The following CSMD1 variants were observed in gnomAD, a reference collection of about 807,000 sequenced individuals.
CSMD1 encodes the protein CUB and sushi domain-containing protein 1.
CSMD1 carries 213 observed loss-of-function variants against 417.5 expected under a neutral mutation model. The ratio of observed to expected loss-of-function variants is 0.51; its 90% CI spans 0.46 to 0.57. CSMD1 has a LOEUF of 0.57. Among genes scored for constraint, CSMD1 ranks in the 20% least tolerant of loss-of-function variants. The probability of loss-of-function intolerance (pLI) is 0.00; values close to 1 mark genes in which losing one functional copy is unlikely to be tolerated. For synonymous variants in CSMD1, 2,862 were observed against 1,736.8 expected, an observed-to-expected ratio of 1.65 and a Z score of -16.11; for missense variants, 6,923 against 4,529.7, an observed-to-expected ratio of 1.53 and a Z score of -15.17.
At chr8:3,923,771 C>T (rs1809447505) in intron 5 of CSMD1, among the ~76,000 whole-genome samples, 8 of 152,174 alleles carry the variant, frequency 5.3e-5, no homozygotes, top group Admixed American at 5.2e-4. Flanking sequence ...TCCTCATTTT[C>T]ACCTTTTCAC....
At chr8:3,008,631 C>T (rs1808145870) in intron 52 of CSMD1, among the ~76,000 whole-genome samples, 1 of 152,162 alleles carries the variant, frequency 6.6e-6, no homozygotes, top group African/African-American at 2.4e-5. Flanking sequence ...CCAGCATGCC[C>T]CCCTGGGTGA....
chr8:4,326,666 C>G (rs1168010659), intron 3 of CSMD1, among the ~76,000 whole-genome samples: 45 of 152,146 alleles, frequency 3.0e-4, no homozygotes, highest in East Asian at 3.9e-4. Flanking sequence ...TCCTCAAAGA[C>G]CAAAGGAAAA....
At chr8:4,058,278 T>G (rs1307445856) in intron 3 of CSMD1, among the ~76,000 whole-genome samples, 1 of 152,096 alleles carries the variant, frequency 6.6e-6, no homozygotes, top group East Asian at 1.9e-4. Flanking sequence ...TCCTAGGTAT[T>G]TTATTCTCTT....
At chr8:3,785,396 C>T (rs1406627883) in intron 5 of CSMD1, among the ~76,000 whole-genome samples, 1 of 152,128 alleles carries the variant, frequency 6.6e-6, no homozygotes, top group Non-Finnish European at 1.5e-5. Context: ...CATCAAGGGT[C>T]TGTTCTGGTG....
chr8:3,671,537 ATATATATG>A (rs1213179752), intron 7 of CSMD1, among the ~76,000 whole-genome samples: 3 of 6,120 alleles, frequency 4.9e-4, no homozygotes, highest in East Asian at 4.2e-3. Context: ...TCATATATAT[ATATATATG>A]ATCATATATA....
chr8:4,745,751 A>G (rs1810911136), intron 1 of CSMD1, among the ~76,000 whole-genome samples: 1 of 152,164 alleles, frequency 6.6e-6, no homozygotes, highest in Non-Finnish European at 1.5e-5. Context: ...TCTCCAACAT[A>G]TTTAAATCTA....
chr8:3,781,377 T>C (rs909770896), intron 5 of CSMD1, among the ~76,000 whole-genome samples: 1 of 152,154 alleles, frequency 6.6e-6, no homozygotes. Context: ...GCGCATTCTA[T>C]AGAGTTAATG....
chr8:3,369,031 G>A (rs556519944), intron 19 of CSMD1, among the ~76,000 whole-genome samples: 7 of 152,164 alleles, frequency 4.6e-5, no homozygotes, highest in Non-Finnish European at 8.8e-5. Flanking sequence ...CGTATATTCA[G>A]GTTATCTGAT....
At chr8:3,779,646 T>A (rs890828612) in intron 5 of CSMD1, among the ~76,000 whole-genome samples, 1 of 152,184 alleles carries the variant, frequency 6.6e-6, no homozygotes, top group African/African-American at 2.4e-5. Flanking sequence ...TATTTTAGGT[T>A]ACATTTATGC....
rs963229271 is a variant in CSMD1 at position 3,230,129 on chromosome 8, G to C, written c.4256C>G (p.Pro1419Arg). ...GGCTTGTCCTTGGAGCTGATAGCCAGGGTCACACTGGAATGTGACGGTGTC... is the reference window on the plus strand; with the variant it reads ...GGCTTGTCCTTGGAGCTGATAGCCACGGTCACACTGGAATGTGACGGTGTC... ...AGDTVTFQCD[P>R]GYQLQGQAKI... is the part of the protein sequence containing the mutation. Residue 1419 changes from proline to arginine, a missense_variant, in exon 27 of 70, where the codon CCT becomes CGT. Physicochemically the swap from Pro to Arg is moderately radical, Grantham distance 103. Coordinates refer to ENST00000635120, the MANE Select transcript of CSMD1 (RefSeq NM_033225.6). 6.2e-7 allele frequency: 1 copy of C among 1,613,596 alleles called. No individual in the cohort carries two copies. The highest frequency in any genetic ancestry group is 1.7e-5 in the Admixed American group (1 of 59,946).
At position 4,512,862 on chromosome 8, in the gene CSMD1, G is replaced by A. The variant is rs549135553; in HGVS notation, c.303-92797C>T. Among the ~76,000 whole-genome samples the A allele has an allele frequency of 7.3e-5, 11 of 150,552 alleles. 1 individual carries two copies. In the East Asian group the frequency reaches 1.8e-3, roughly 24 times the overall value. ...GTACTGTCAAGTTGTCAGCTCTTTC[G>A]AACTTTAAATACCTATTACCAAGTG... is the stretch of plus-strand genomic sequence containing the variant. On this transcript the variant is annotated intron_variant, in intron 2 of 69. Transcript: ENST00000635120.
intron 3 of CSMD1, among the ~76,000 whole-genome samples, chr8:4,308,312 T>A (rs993339666): frequency 6.6e-6 from 1 of 151,870 alleles, no homozygotes; most frequent in Admixed American, 6.6e-5. Flanking sequence ...AGTGTATGTG[T>A]GGGGTGGTGT....
intron 1 of CSMD1, among the ~76,000 whole-genome samples, chr8:4,866,382 C>A (rs1802419903): frequency 6.6e-6 from 1 of 151,930 alleles, no homozygotes; most frequent in Non-Finnish European, 1.5e-5. Flanking sequence ...TGAAGAGTAA[C>A]CTCCTGTGGT....
chr8:3,338,987 C>A, intron 23 of CSMD1, among the ~76,000 whole-genome samples: 1 of 110,604 alleles, frequency 9.0e-6, no homozygotes, highest in South Asian at 3.8e-4. Flanking sequence ...CCTCCCCCCT[C>A]CCCCCACCCC....
chr8:3,522,734 T>C (rs1185754157), intron 10 of CSMD1, among the ~76,000 whole-genome samples: 1 of 151,996 alleles, frequency 6.6e-6, no homozygotes, highest in Non-Finnish European at 1.5e-5. Context: ...CCTTAATATG[T>C]GGCATTCGGG....
chr8:3,767,821 G>A (rs1008412167), intron 5 of CSMD1, among the ~76,000 whole-genome samples: 1 of 152,122 alleles, frequency 6.6e-6, no homozygotes, highest in Non-Finnish European at 1.5e-5. Flanking sequence ...CAGCACTGCA[G>A]CCTTGCGGGT....
chr8:2,942,615 A>C lies in CSMD1; in HGVS notation c.10403-11T>G. 1 of 1,547,922 alleles carries C rather than the reference A, an allele frequency of 6.5e-7. No homozygotes were observed. Among genetic ancestry groups the C allele is most frequent in the Non-Finnish European group, 8.7e-7 (1 of 1,144,708 alleles). ...CTGGGTTTAAAGGATCTGTAAGATA[A>C]AGGAAATATTAAATTTGTTGTTACT... is the stretch of plus-strand genomic sequence containing the variant. On this transcript the variant is annotated splice_polypyrimidine_tract_variant and intron_variant, in intron 68 of 69. Coordinates refer to ENST00000635120, the MANE Select transcript of CSMD1 (RefSeq NM_033225.6).
At chr8:4,377,811 T>C (rs1584981981) in intron 3 of CSMD1, among the ~76,000 whole-genome samples, 1 of 152,246 alleles carries the variant, frequency 6.6e-6, no homozygotes, top group African/African-American at 2.4e-5. Context: ...TACAATTGTT[T>C]AGCTTTGTGT....
chr8:3,583,056 A>G (rs986945), intron 9 of CSMD1, among the ~76,000 whole-genome samples: 67,084 of 151,864 alleles, frequency 0.44, 15,193 homozygotes, highest in African/African-American at 0.49. Flanking sequence ...CTTACAGAGC[A>G]ACTCCTGCCT....
Sources: gnomAD v4.1 joint callset for allele counts (sites outside exome capture counted in the v4.1 genomes callset) on GRCh38, gnomAD v4.1.1 for gene constraint, MANE v1.5 for transcripts, NCBI Gene and HGNC (gene_info 2026-07-23, HGNC 2026-07-21) for gene names.